The following THSD4 variants were observed in gnomAD, a reference collection of about 807,000 sequenced individuals.
The protein encoded by THSD4 is thrombospondin type-1 domain-containing protein 4.
In THSD4, 69 loss-of-function variants were observed where a neutral mutation model predicts 119.0. The observed-to-expected ratio is 0.58, with a 90% CI of 0.48 to 0.71. The LOEUF is 0.71. Ranked by LOEUF, THSD4 falls within the 30% of genes least tolerant of loss-of-function variation. The probability of loss-of-function intolerance (pLI) is 0.00; values close to 1 mark genes in which losing one functional copy is unlikely to be tolerated. For missense variants in THSD4, 1,393 were observed against 1,391.1 expected (o/e 1.00, Z -0.02); for synonymous variants, 524 against 540.4 (o/e 0.97, Z 0.42).
chr15:71,374,301 C>T (rs766910009), intron 6 of THSD4, among the ~76,000 whole-genome samples: 11 of 152,182 alleles, frequency 7.2e-5, no homozygotes, highest in Non-Finnish European at 1.6e-4. Flanking sequence ...TTCATTATTT[C>T]ACTCATTTCC....
chr15:71,738,095 T>C, intron 11 of THSD4, 88 bp downstream of exon 11: 1 of 1,522,192 alleles, frequency 6.6e-7, no homozygotes. Flanking sequence ...CCCGGCTTTT[T>C]TGGCACCAGG....
chr15:71,552,834 T>C (rs891692885), intron 7 of THSD4, among the ~76,000 whole-genome samples: 4 of 152,090 alleles, frequency 2.6e-5, no homozygotes, highest in African/African-American at 9.7e-5. Flanking sequence ...TTAGTAGAGA[T>C]GGGGTTTCAC....
chr15:71,293,180 T>C (rs2044816764), intron 6 of THSD4, among the ~76,000 whole-genome samples: 1 of 152,326 alleles, frequency 6.6e-6, no homozygotes, highest in Non-Finnish European at 1.5e-5. Context: ...CAGCTCAGCA[T>C]GCATAGGTGG....
intron 3 of THSD4, among the ~76,000 whole-genome samples, chr15:71,194,444 T>C (rs1342073689): frequency 6.6e-6 from 1 of 152,162 alleles, no homozygotes; most frequent in Non-Finnish European, 1.5e-5. Context: ...TGGAGATAGT[T>C]TGCCATTTCC....
chr15:71,624,244 C>T (rs1595798953), intron 7 of THSD4, among the ~76,000 whole-genome samples: 1 of 152,288 alleles, frequency 6.6e-6, no homozygotes, highest in South Asian at 2.1e-4. Context: ...CCAGCTGCCC[C>T]CAGTGAGAAC....
intron 3 of THSD4, among the ~76,000 whole-genome samples, chr15:71,170,923 C>A (rs2043354930): frequency 6.6e-6 from 1 of 151,828 alleles, no homozygotes; most frequent in African/African-American, 2.4e-5. Context: ...GGATTAATGG[C>A]AGATTAGACA....
At chr15:71,346,498 C>T (rs1300734409) in intron 6 of THSD4, among the ~76,000 whole-genome samples, 2 of 152,186 alleles carry the variant, frequency 1.3e-5, no homozygotes, top group African/African-American at 2.4e-5. Context: ...TTTGGCCTGG[C>T]TTCAGTGTCT....
chr15:71,481,299 A>G (rs1033092324), intron 7 of THSD4, among the ~76,000 whole-genome samples: 1 of 152,246 alleles, frequency 6.6e-6, no homozygotes, highest in African/African-American at 2.4e-5. Flanking sequence ...AAGTACTAAT[A>G]GCTACTTCTT....
chr15:71,469,576 G>A (rs910738554), intron 7 of THSD4, among the ~76,000 whole-genome samples: 1 of 152,158 alleles, frequency 6.6e-6, no homozygotes, highest in Non-Finnish European at 1.5e-5. Flanking sequence ...GTGAGGCACA[G>A]GTGGTATTTA....
chr15:71,098,568 A>G (rs1567126272), intron 1 of THSD4, among the ~76,000 whole-genome samples: 1 of 151,902 alleles, frequency 6.6e-6, no homozygotes, highest in Non-Finnish European at 1.5e-5. Flanking sequence ...CTGGCCCCAC[A>G]TTTTTTATTT....
rs140471900 is a variant in THSD4, at chr15:71,651,184, C to T, written c.1153-9346C>T. 6.8e-3 allele frequency among the ~76,000 whole-genome samples: 1,029 copies of T among 152,322 alleles called. 12 individuals are homozygous for T. Among genetic ancestry groups the T allele is most frequent in the African/African-American group, 0.024 (977 of 41,562 alleles). On this transcript the variant is annotated intron_variant, in intron 7 of 17. Transcript: ENST00000261862. Reference sequence around the variant, plus strand: ...TTGTCAGGCCAGGAACCTTGGTCTTCCTTACTCCACCTTTGGTAGAACATC... The same window carrying T: ...TTGTCAGGCCAGGAACCTTGGTCTTTCTTACTCCACCTTTGGTAGAACATC...
chr15:71,165,768 G>A (rs1269925009), intron 3 of THSD4, among the ~76,000 whole-genome samples: 1 of 152,136 alleles, frequency 6.6e-6, no homozygotes, highest in Non-Finnish European at 1.5e-5. Flanking sequence ...CAGGTTGGTT[G>A]TCAGGCTAAG....
In THSD4 at chr15:71,236,028, C is replaced by T. The variant is rs368977721; in HGVS notation, c.465-6621C>T. On this transcript the variant is annotated intron_variant, in intron 4 of 17. Coordinates refer to ENST00000261862, the MANE Select transcript of THSD4 (RefSeq NM_024817.3). ...GAGTTCCACTTTACTGTGGGGTTCT[C>T]GGGCTCCACTCCTCTGGTTCCTCGA... Among the ~76,000 whole-genome samples, 556 of 152,284 alleles carry T rather than the reference C, an allele frequency of 3.7e-3. 9 individuals carry two copies. Among genetic ancestry groups the T allele is most frequent in the Non-Finnish European group, 6.6e-3 (447 of 68,030 alleles).
intron 6 of THSD4, among the ~76,000 whole-genome samples, chr15:71,357,671 T>C (rs1309696355): frequency 6.6e-6 from 1 of 152,136 alleles, no homozygotes; most frequent in Admixed American, 6.5e-5. Context: ...ACCGGAGTCC[T>C]TTCTGGCAGA....
intron 7 of THSD4, among the ~76,000 whole-genome samples, chr15:71,629,683 C>A (rs1438830029): frequency 1.3e-5 from 2 of 152,172 alleles, no homozygotes; most frequent in African/African-American, 4.8e-5. Context: ...CCCCACACCC[C>A]ACTCCACATC....
At chr15:71,571,375 A>G (rs1268080942) in intron 7 of THSD4, among the ~76,000 whole-genome samples, 1 of 152,118 alleles carries the variant, frequency 6.6e-6, no homozygotes, top group African/African-American at 2.4e-5. Flanking sequence ...CCCAGGCTTT[A>G]GGCTCCAGGT....
At chr15:71,707,367 A>T (rs753480331) in intron 8 of THSD4, among the ~76,000 whole-genome samples, 8 of 152,236 alleles carry the variant, frequency 5.3e-5, no homozygotes, top group Non-Finnish European at 8.8e-5. Context: ...GCTATAGTCC[A>T]TTAAAGCCAC....
At chr15:71,302,572 G>A (rs754075326) in intron 6 of THSD4, among the ~76,000 whole-genome samples, 3 of 150,734 alleles carry the variant, frequency 2.0e-5, no homozygotes, top group Non-Finnish European at 3.0e-5. Flanking sequence ...GAATGGTTTT[G>A]TTGGGTGGGA....
chr15:71,641,360 G>A (rs901328668), intron 7 of THSD4, among the ~76,000 whole-genome samples: 3 of 151,580 alleles, frequency 2.0e-5, no homozygotes, highest in Admixed American at 6.6e-5. Context: ...CAATGTGGGG[G>A]CTATCTAGCA....
Sources: gnomAD v4.1 joint callset for allele counts (sites outside exome capture counted in the v4.1 genomes callset) on GRCh38, gnomAD v4.1.1 for gene constraint, MANE v1.5 for transcripts, NCBI Gene and HGNC (gene_info 2026-07-23, HGNC 2026-07-21) for gene names.